TRIM67: variants seen among roughly 807,000 people sequenced by gnomAD.
TRIM67 encodes tripartite motif containing 67, also known as tripartite motif-containing protein 67.
TRIM67 carries 39 observed loss-of-function variants against 71.0 expected under a neutral mutation model. The observed-to-expected ratio is 0.55, with a 90% CI of 0.43 to 0.72. TRIM67 has a LOEUF of 0.72. Ranked by LOEUF, TRIM67 falls within the 30% of genes least tolerant of loss-of-function variation. The pLI, the probability that TRIM67 is intolerant of heterozygous loss-of-function variation, is 0.00. For synonymous variants in TRIM67, 481 were observed against 473.9 expected, an observed-to-expected ratio of 1.01 and a Z score of -0.19; for missense variants, 973 against 1,079.2, an observed-to-expected ratio of 0.90 and a Z score of 1.38.
intron 9 of TRIM67, among the ~76,000 whole-genome samples, chr1:231,214,302 G>A (rs1683953735): frequency 6.6e-6 from 1 of 152,150 alleles, no homozygotes; most frequent in African/African-American, 2.4e-5. Context: ...GTGAGGAAGG[G>A]AGAAACACGG....
In TRIM67 at chr1:231,213,851, C is replaced by T. The variant is rs1313863558; in HGVS notation, c.2160C>T (p.Gly720=). The T allele has an allele frequency of 5.0e-6, 8 of 1,611,186 alleles. No individual in the cohort carries two copies. The highest frequency in any genetic ancestry group is 1.3e-5 in the African/African-American group (1 of 74,980). The change falls in exon 9 of 10, where the codon GGC becomes GGT. Residue 720 remains glycine (G), a synonymous_variant. Transcript: ENST00000366653. The part of the protein sequence containing the change: ...EGGVCKGATV[G]VLLDLNKHTL... ...GCGTGTGCAAGGGGGCCACCGTGGG[C>T]GTGCTGCTGGACCTGAATAAGCACA...
chr1:231,195,528 T>C (rs749900359), intron 1 of TRIM67, among the ~76,000 whole-genome samples: 7 of 152,188 alleles, frequency 4.6e-5, no homozygotes, highest in Non-Finnish European at 1.0e-4. Context: ...GTGAGGCTCA[T>C]GGTGTAGGAA....
At chr1:231,189,682 C>T (rs903586346) in intron 1 of TRIM67, among the ~76,000 whole-genome samples, 1 of 151,788 alleles carries the variant, frequency 6.6e-6, no homozygotes, top group African/African-American at 2.4e-5. Flanking sequence ...CATCTTCTCA[C>T]TCTGGGGCCT....
rs149743114 is a variant in TRIM67, at chr1:231,197,553, C to T, written c.1140+87C>T. ...GTATTAAGAAGAAAGAGGCGGGGCA[C>T]GGTGGCTCACACCTGTAATCCCAAC... On this transcript the variant is annotated intron_variant, in intron 2 of 9. Transcript: ENST00000366653. 3,518 of 1,255,924 alleles carry T rather than the reference C, an allele frequency of 2.8e-3. 74 individuals are homozygous for T. The African/African-American group carries it at 0.047, about 17-fold the overall frequency. 77.8% of individuals were successfully genotyped at this position (1,255,924 alleles called of 1,614,324 possible). A position where few individuals can be genotyped will look rare whatever the true frequency, so the allele number is the denominator to read the frequency against.
At position 231,187,036 on chromosome 1, in the gene TRIM67, G is replaced by A. The variant is rs576950273; in HGVS notation, c.1045-10335G>A. On this transcript the variant is annotated intron_variant, in intron 1 of 9. Coordinates refer to ENST00000366653, the MANE Select transcript of TRIM67 (RefSeq NM_001004342.5). Reference sequence around the variant, plus strand: ...CCCATCTCACAAGCATATGGATCTCGACCAGGAGATCAATCTAAGTCTAAA... The same window carrying A: ...CCCATCTCACAAGCATATGGATCTCAACCAGGAGATCAATCTAAGTCTAAA... Among the ~76,000 whole-genome samples the A allele has an allele frequency of 4.6e-5, 7 of 152,234 alleles. No individual in the cohort carries two copies. In the South Asian group the frequency reaches 8.3e-4, roughly 18 times the overall value.
At chr1:231,191,534 C>A (rs1683229275) in intron 1 of TRIM67, among the ~76,000 whole-genome samples, 1 of 152,148 alleles carries the variant, frequency 6.6e-6, no homozygotes, top group Non-Finnish European at 1.5e-5. Flanking sequence ...GAGAGCAGGG[C>A]AGGGCAGAGG....
chr1:231,172,224 A>G (rs1682635847), intron 1 of TRIM67, among the ~76,000 whole-genome samples: 1 of 152,334 alleles, frequency 6.6e-6, no homozygotes. Context: ...GCATCAGCTG[A>G]GGAGTAGTTA....
At position 231,209,378 on chromosome 1, in the gene TRIM67, T is replaced by C. The variant is rs917734497; in HGVS notation, c.2123+128T>C. 9.1e-7 allele frequency: 1 copy of C among 1,099,304 alleles called. No homozygotes were observed. Among genetic ancestry groups the C allele is most frequent in the African/African-American group, 1.6e-5 (1 of 62,944 alleles). 68.1% of individuals were successfully genotyped at this position (1,099,304 alleles called of 1,614,324 possible). On this transcript the variant is annotated intron_variant, in intron 8 of 9. Transcript: ENST00000366653. This position sits in a 1 kb window ranked among gnomAD's most constrained non-coding sequence, Gnocchi z 4.1. ...TGAGAGGAGGTATTTTCAGCCACTTTGGTCTCCATTTTCTAGGAGGCCTTC... is the reference window on the plus strand; with the variant it reads ...TGAGAGGAGGTATTTTCAGCCACTTCGGTCTCCATTTTCTAGGAGGCCTTC...
chr1:231,179,220 G>A (rs1368546237), intron 1 of TRIM67, among the ~76,000 whole-genome samples: 2 of 152,256 alleles, frequency 1.3e-5, no homozygotes, highest in Non-Finnish European at 2.9e-5. Flanking sequence ...CCAGCTTGTG[G>A]TGGCTCCTTG....
chr1:231,179,086 G>A (rs1239219257), intron 1 of TRIM67, among the ~76,000 whole-genome samples: 1 of 152,224 alleles, frequency 6.6e-6, no homozygotes, highest in Non-Finnish European at 1.5e-5. Flanking sequence ...CACAAGCTGG[G>A]TAGCTTAAAA....
At chr1:231,180,063 TATC>T (rs1357715872) in intron 1 of TRIM67, among the ~76,000 whole-genome samples, 7 of 152,206 alleles carry the variant, frequency 4.6e-5, no homozygotes. Context: ...TGAGAAGTGT[TATC>T]ATTGCAGCAG....
Position 231,219,592 on chromosome 1 carries a change from G to A in TRIM67, c.*4152G>A, listed in dbSNP as rs1684092744. 2 of 1,130,386 alleles carry A rather than the reference G, an allele frequency of 1.8e-6. No individual in the cohort carries two copies. Among genetic ancestry groups the A allele is most frequent in the South Asian group, 2.0e-5 (1 of 49,874 alleles). 70.0% of individuals were successfully genotyped at this position (1,130,386 alleles called of 1,614,324 possible). ...TTTTCACTCACTGAAGATGCCCCCTGCCCGCTCCCCACTTCCTAGAAAGCA... is the reference window on the plus strand; with the variant it reads ...TTTTCACTCACTGAAGATGCCCCCTACCCGCTCCCCACTTCCTAGAAAGCA... On this transcript the variant is annotated 3_prime_UTR_variant, in exon 10 of 10. Coordinates refer to ENST00000366653, the MANE Select transcript of TRIM67 (RefSeq NM_001004342.5).
chr1:231,220,070 G>C lies in TRIM67; in HGVS notation c.*4630G>C. On this transcript the variant is annotated 3_prime_UTR_variant, in exon 10 of 10. Coordinates refer to ENST00000366653, the MANE Select transcript of TRIM67 (RefSeq NM_001004342.5). Reference sequence around the variant, plus strand: ...ACTAACCTACCTCCTCTGATGTATTGTGAGGATTATACAATAACATTTTTA... The same window carrying C: ...ACTAACCTACCTCCTCTGATGTATTCTGAGGATTATACAATAACATTTTTA... 2.6e-6 allele frequency: 2 copies of C among 760,684 alleles called. No individual in the cohort carries two copies. The highest frequency in any genetic ancestry group is 3.9e-6 in the Non-Finnish European group (2 of 511,332). The allele number at this position is 760,684 out of a possible 1,614,324, so 47.1% of individuals were successfully genotyped here. A position where few individuals can be genotyped will look rare whatever the true frequency, so the allele number is the denominator to read the frequency against.
chr1:231,194,869 G>T (rs190425260), intron 1 of TRIM67, among the ~76,000 whole-genome samples: 6 of 152,148 alleles, frequency 3.9e-5, no homozygotes, highest in Admixed American at 1.3e-4. Context: ...TTTTTTTATA[G>T]AGAGAGGGTG....
intron 8 of TRIM67, among the ~76,000 whole-genome samples, chr1:231,210,678 A>C (rs1205732681): frequency 6.6e-6 from 1 of 151,738 alleles, no homozygotes; most frequent in Non-Finnish European, 1.5e-5. Flanking sequence ...TGTAGGAAGC[A>C]CTCGATGTAT....
At chr1:231,198,095 G>A (rs967286234) in intron 2 of TRIM67, among the ~76,000 whole-genome samples, 2 of 152,326 alleles carry the variant, frequency 1.3e-5, no homozygotes, top group East Asian at 1.9e-4. Context: ...CCATGTCGTC[G>A]TCCTTTGTGG....
In TRIM67 at chr1:231,220,430, G is replaced by C. The variant is rs1319205228; in HGVS notation, c.*4990G>C. ...GTGAGCAGAAGCCCCTTTAAACCAA[G>C]GAAGGACACTAACCCAGGCCTCTGC... On this transcript the variant is annotated 3_prime_UTR_variant, in exon 10 of 10. Transcript: ENST00000366653. The C allele has an allele frequency of 6.4e-6, 1 of 155,488 alleles. No homozygotes were observed. The highest frequency in any genetic ancestry group is 1.4e-5 in the Non-Finnish European group (1 of 70,080). 9.6% of individuals were successfully genotyped at this position (155,488 alleles called of 1,614,324 possible). A position where few individuals can be genotyped will look rare whatever the true frequency, so the allele number is the denominator to read the frequency against.
Position 231,201,389 on chromosome 1 carries a change from T to C in TRIM67, c.1406T>C (p.Val469Ala), listed in dbSNP as rs773007724. 6.2e-7 allele frequency: 1 copy of C among 1,613,510 alleles called. No individual in the cohort carries two copies. The highest frequency in any genetic ancestry group is 1.7e-5 in the Admixed American group (1 of 59,930). Residue 469 changes from valine to alanine, a missense_variant, in exon 5 of 10, where the codon GTG (valine) becomes GCG (alanine). By Grantham distance (64) the Val-to-Ala change is moderately conservative. This residue lies in a region of TRIM67 where 795 missense variants were observed against 831.3 expected (regional missense o/e 0.96). Coordinates refer to ENST00000366653, the MANE Select transcript of TRIM67 (RefSeq NM_001004342.5). ...ISDALIKRVQ[V>A]SQEQWVKGAL... ...GATGCTCTGATCAAGCGCGTCCAGG[T>C]GTCTCAGGAGCAGTGGGTCAAAGGC...
rs546309260 is a variant in TRIM67 at position 231,173,648 on chromosome 1, A to T, written c.1044+9635A>T. Among the ~76,000 whole-genome samples the T allele has an allele frequency of 2.0e-5, 3 of 152,328 alleles. No homozygotes were observed. In the South Asian group the frequency reaches 6.2e-4, roughly 32 times the overall value. On this transcript the variant is annotated intron_variant, in intron 1 of 9. Transcript: ENST00000366653. ...GAATAAGGGGCAGAAGCAGAGAGCTAGGCAGAGAGGCAGAAGTGTACAGGG... is the reference window on the plus strand; with the variant it reads ...GAATAAGGGGCAGAAGCAGAGAGCTTGGCAGAGAGGCAGAAGTGTACAGGG...
Sources: allele counts gnomAD v4.1 joint callset (sites outside exome capture counted in the v4.1 genomes callset), GRCh38; gene constraint gnomAD v4.1.1; regional missense constraint gnomAD v4.1.1; non-coding constraint Gnocchi (gnomAD v3.1); transcripts MANE v1.5; gene names NCBI Gene and HGNC (gene_info 2026-07-23, HGNC 2026-07-21).